Variants in NOL7 observed in about 807,000 individuals in gnomAD.
NOL7 encodes the protein nucleolar protein 7.
Under a neutral mutation model 38.4 loss-of-function variants are expected in NOL7, and 36 were observed. That is an observed-to-expected ratio of 0.94 (90% CI 0.72 to 1.24). NOL7 has a LOEUF of 1.24. Among genes scored for constraint, NOL7 ranks in the 50% most tolerant of loss-of-function variants. The pLI is 0.00. For missense variants in NOL7, 350 were observed against 315.1 expected, an observed-to-expected ratio of 1.11 and a Z score of -0.84; for synonymous variants, 142 against 126.5, an observed-to-expected ratio of 1.12 and a Z score of -0.82.
intron 8 of NOL7, among the ~76,000 whole-genome samples, chr6:13,630,805 A>C (rs1278124115): frequency 1.3e-5 from 2 of 152,136 alleles, no homozygotes; most frequent in East Asian, 3.8e-4. Flanking sequence ...AGAGACTTAC[A>C]AAAAAATATA....
intron 8 of NOL7, among the ~76,000 whole-genome samples, chr6:13,630,269 G>GACATCTATACTCTTTAAATAAAGATGAT (rs1764740582): frequency 6.6e-6 from 1 of 152,076 alleles, no homozygotes; most frequent in Non-Finnish European, 1.5e-5. Context: ...CAAAATCAAA[G>GACATCTATACTCTTTAAATAAAGATGAT]ACATCTATAC....
At chr6:13,617,247 C>G (rs1323960663) in intron 3 of NOL7, among the ~76,000 whole-genome samples, 8 of 150,272 alleles carry the variant, frequency 5.3e-5, no homozygotes, top group Non-Finnish European at 5.9e-5. Flanking sequence ...TCTCATTTGC[C>G]CCCCCCCACC....
In NOL7 at chr6:13,620,237, TAA is replaced by T; in HGVS notation, c.533_534del (p.Lys178ArgfsTer18). On this transcript the variant is annotated frameshift_variant, in exon 6 of 8. Transcript: ENST00000451315. LOFTEE classifies it high-confidence loss of function. The stretch of plus-strand genomic sequence containing the variant: ...AATAAAAGCTACTTGGCCGTAAGGC[TAA>T]AAGACCAAGATCTGAGAGATTCAAG... 1 of 1,614,072 alleles carries T rather than the reference TAA, an allele frequency of 6.2e-7. No homozygotes were observed. Among genetic ancestry groups the T allele is most frequent in the African/African-American group, 1.3e-5 (1 of 75,036 alleles).
At chr6:13,617,693 G>A (rs1764327499) in intron 3 of NOL7, 77 bp from the exon 4 acceptor site, 1 of 1,403,146 alleles carries the variant, frequency 7.1e-7, no homozygotes, top group East Asian at 2.3e-5. Flanking sequence ...TACTTGTAAA[G>A]GCAAATGAAA....
chr6:13,622,252 C>T (rs1764471600), downstream of NOL7: 1 of 1,169,570 alleles, frequency 8.6e-7, no homozygotes, highest in Admixed American at 3.1e-5. Flanking sequence ...GCGACAAAAA[C>T]CTGTCCCCAG....
In NOL7 at chr6:13,620,986, C is replaced by A; in HGVS notation, c.*159C>A. ...CTGGAGTAGAACTGTGCCTTGCAATCCTAGAGGAAAAAGTGGTTTAAGAAG... is the reference window on the plus strand; with the variant it reads ...CTGGAGTAGAACTGTGCCTTGCAATACTAGAGGAAAAAGTGGTTTAAGAAG... On this transcript the variant is annotated 3_prime_UTR_variant, in exon 8 of 8. Transcript: ENST00000451315. The A allele has an allele frequency of 2.1e-6, 1 of 474,136 alleles. No homozygotes were observed. The highest frequency in any genetic ancestry group is 4.4e-5 in the South Asian group (1 of 22,610). 29.4% of individuals were successfully genotyped at this position (474,136 alleles called of 1,614,324 possible). A position where few individuals can be genotyped will look rare whatever the true frequency, so the allele number is the denominator to read the frequency against.
At chr6:13,618,839 C>T (rs928909474) in intron 5 of NOL7, among the ~76,000 whole-genome samples, 6 of 151,992 alleles carry the variant, frequency 3.9e-5, no homozygotes, top group Non-Finnish European at 7.4e-5. Context: ...TGCAGTGAGG[C>T]GAGATTGTGC....
At chr6:13,620,659 A>T in intron 7 of NOL7, 95 bp from the exon 8 acceptor site, 1 of 989,280 alleles carries the variant, frequency 1.0e-6, no homozygotes, top group Non-Finnish European at 1.5e-6. Flanking sequence ...TAATAAGCCC[A>T]CCCAGTTTTA....
chr6:13,628,906 A>G (rs1764698928), intron 8 of NOL7, among the ~76,000 whole-genome samples: 3 of 152,248 alleles, frequency 2.0e-5, no homozygotes, highest in African/African-American at 7.2e-5. Flanking sequence ...GAAAACCAGT[A>G]TAGCAACATG....
chr6:13,622,168 A>G (rs1041296433), downstream of NOL7: 9 of 449,908 alleles, frequency 2.0e-5, no homozygotes, highest in African/African-American at 1.6e-4. Context: ...GAGGTTAAAG[A>G]TGGAAAATAA....
Position 13,617,794 on chromosome 6 carries a change from G to T in NOL7, c.411G>T (p.Val137=). ...GCATCAAGAAATCGCCAGGAAAGGT[G>T]AAAGAAGGTATGACTATTCTAATTT... ...QTNIKKSPGK[V]KEVNLQKKNE... is the part of the protein sequence containing the mutation. Residue 137 remains valine, a synonymous_variant, in exon 4 of 8, where the codon GTG becomes GTT. Transcript: ENST00000451315. The T allele has an allele frequency of 6.2e-7, 1 of 1,613,706 alleles. No individual in the cohort carries two copies. The highest frequency in any genetic ancestry group is 8.5e-7 in the Non-Finnish European group (1 of 1,179,588).
downstream of NOL7, chr6:13,622,381 A>T (rs184285677): frequency 6.3e-7 from 1 of 1,594,582 alleles, no homozygotes; most frequent in East Asian, 2.3e-5. Flanking sequence ...GTAGTCTTCC[A>T]CTGTGGCAAA....
chr6:13,615,702 T>A lies in NOL7; in HGVS notation c.267-10T>A. 6.2e-7 allele frequency: 1 copy of A among 1,614,164 alleles called. No homozygotes were observed. Among genetic ancestry groups the A allele is most frequent in the Non-Finnish European group, 8.5e-7 (1 of 1,180,014 alleles). ...CCTTCCCTTTGCTGACTTATCACCC[T>A]TCCTCCCAGGGATAAAACGCTCCTG... On this transcript the variant is annotated splice_polypyrimidine_tract_variant and intron_variant, in intron 1 of 7. Transcript: ENST00000451315.
intron 3 of NOL7, among the ~76,000 whole-genome samples, chr6:13,617,023 AT>A (rs997142468): frequency 8.9e-4 from 133 of 148,976 alleles, no homozygotes; most frequent in African/African-American, 2.5e-3. Context: ...AGCCTTCTAA[AT>A]TTTTTTTTTT....
downstream of NOL7, among the ~76,000 whole-genome samples, chr6:13,624,449 TCTAAA>T (rs2127757636): frequency 6.6e-6 from 1 of 152,288 alleles, no homozygotes; most frequent in South Asian, 2.1e-4. Context: ...AGCACAGACT[TCTAAA>T]CTAGACTGGA....
chr6:13,620,248 G>C lies in NOL7; in HGVS notation c.541G>C (p.Asp181His). 2 of 1,614,130 alleles carry C rather than the reference G, an allele frequency of 1.2e-6. No homozygotes were observed. Among genetic ancestry groups the C allele is most frequent in the Non-Finnish European group, 1.7e-6 (2 of 1,179,982 alleles). The stretch of plus-strand genomic sequence containing the variant: ...CTTGGCCGTAAGGCTAAAAGACCAA[G>C]ATCTGAGAGATTCAAGGCAACAAGC... ...SYLAVRLKDQDLRDSRQQAAQ... is the reference protein window; with the variant it reads ...SYLAVRLKDQHLRDSRQQAAQ... Residue 181 changes from aspartate to histidine, a missense_variant, in exon 6 of 8, where the codon GAT (aspartate) becomes CAT (histidine). By Grantham distance (81) the Asp-to-His change is moderately conservative. Transcript: ENST00000451315.
rs1388712761 is a variant in NOL7, at chr6:13,620,554, T to C, written c.700+69T>C. The C allele has an allele frequency of 3.7e-5, 53 of 1,440,122 alleles. No individual in the cohort carries two copies. In the South Asian group the frequency reaches 5.4e-4, roughly 15 times the overall value. 89.2% of individuals were successfully genotyped at this position (1,440,122 alleles called of 1,614,324 possible). A position where few individuals can be genotyped will look rare whatever the true frequency, so the allele number is the denominator to read the frequency against. ...TTGAATAATGTTCTTTTGAAGGAGA[T>C]AGTTCATAATTATACTTTTCCCCCT... On this transcript the variant is annotated intron_variant, in intron 7 of 7. Transcript: ENST00000451315.
rs1764431602 is a variant in NOL7 at position 13,621,092 on chromosome 6, G to GT, written c.*267dup. On this transcript the variant is annotated 3_prime_UTR_variant, in exon 8 of 8. Coordinates refer to ENST00000451315, the MANE Select transcript of NOL7 (RefSeq NM_016167.5). ...ACAGCACCTCTTCTACTCTCCCCGG[G>GT]TTAGAGGGGTGGCAAAAATGGCACG... The GT allele has an allele frequency of 4.6e-6, 1 of 218,084 alleles. No homozygotes were observed. The highest frequency in any genetic ancestry group is 9.1e-6 in the Non-Finnish European group (1 of 110,010). The allele number at this position is 218,084 out of a possible 1,614,324, so 13.5% of individuals were successfully genotyped here.
chr6:13,615,476 C>T lies in NOL7; in HGVS notation c.118C>T (p.Pro40Ser). 1 of 1,551,384 alleles carries T rather than the reference C, an allele frequency of 6.4e-7. No homozygotes were observed. Among genetic ancestry groups the T allele is most frequent in the Non-Finnish European group, 8.7e-7 (1 of 1,147,476 alleles). Residue 40 changes from proline (P) to serine (S), a missense_variant, in exon 1 of 8, where the codon CCC becomes TCC. Pro to Ser is a moderately conservative substitution (Grantham distance 74). Coordinates refer to ENST00000451315, the MANE Select transcript of NOL7 (RefSeq NM_016167.5). ...EAEHGLLLGQ[P>S]SSGAAAEPLE... Reference sequence around the variant, plus strand: ...GGAGCACGGGCTGTTGCTCGGGCAGCCCAGCAGCGGCGCGGCCGCCGAGCC... The same window carrying T: ...GGAGCACGGGCTGTTGCTCGGGCAGTCCAGCAGCGGCGCGGCCGCCGAGCC...
Sources: allele counts gnomAD v4.1 joint callset (sites outside exome capture counted in the v4.1 genomes callset), GRCh38; gene constraint gnomAD v4.1.1; transcripts MANE v1.5; gene names NCBI Gene and HGNC (gene_info 2026-07-23, HGNC 2026-07-21).